The following GKN2 variants were observed in gnomAD, a reference collection of about 807,000 sequenced individuals.
The protein encoded by GKN2 is gastrokine 2.
In GKN2, 17 loss-of-function variants were observed where a neutral mutation model predicts 22.7. The observed-to-expected ratio is 0.75, with a 90% CI of 0.51 to 1.13. The LOEUF (loss-of-function observed/expected upper bound fraction) is 1.13. Ranked by LOEUF, GKN2 falls within the 50% of genes most tolerant of loss-of-function variation. The pLI is 0.00. For missense variants in GKN2, 248 were observed against 221.4 expected (o/e 1.12, Z -0.76); for synonymous variants, 82 against 79.6 (o/e 1.03, Z -0.16).
At chr2:68,950,855 T>C in intron 1 of GKN2, 100 bp from the exon 2 acceptor site, 2 of 1,202,380 alleles carry the variant, frequency 1.7e-6, no homozygotes, top group South Asian at 2.5e-5. Context: ...TCTCAGAAAA[T>C]GTACACCTAG....
chr2:68,952,544 C>T (rs1669874446), intron 1 of GKN2, among the ~76,000 whole-genome samples: 2 of 152,054 alleles, frequency 1.3e-5, no homozygotes, highest in Admixed American at 6.6e-5. Flanking sequence ...TTTTAAATAG[C>T]CCAAATTCCC....
At chr2:68,948,214 C>A (rs1573727816) in intron 3 of GKN2, among the ~76,000 whole-genome samples, 2 of 142,806 alleles carry the variant, frequency 1.4e-5, no homozygotes, top group East Asian at 4.1e-4. Flanking sequence ...CCACTGGACT[C>A]CAGCCTGGGT....
Position 68,950,209 on chromosome 2 carries a change from T to A in GKN2, c.121A>T (p.Thr41Ser). ...GCGGTATTTTTTTCATTATCAATTG[T>A]CACTGTCTCCTGAACATTGCCACCA... is the stretch of plus-strand genomic sequence containing the variant. ...NNGGNVQETVTIDNEKNTAII... is the reference protein window; with the variant it reads ...NNGGNVQETVSIDNEKNTAII... Residue 41 changes from threonine (T) to serine (S), a missense_variant, in exon 3 of 6, where the codon ACA becomes TCA. By Grantham distance (58) the Thr-to-Ser change is moderately conservative (BLOSUM62 1). Transcript: ENST00000328895. 1.2e-6 allele frequency: 2 copies of A among 1,613,904 alleles called. No individual in the cohort carries two copies. The highest frequency in any genetic ancestry group is 1.3e-5 in the African/African-American group (1 of 75,068).
At chr2:68,945,626 C>G (rs761703258) in intron 5 of GKN2, 176 bp from the exon 6 acceptor site, 1 of 491,384 alleles carries the variant, frequency 2.0e-6, no homozygotes, top group African/African-American at 1.9e-5. Flanking sequence ...CCTTTATTTA[C>G]TTTATGAATG....
At chr2:68,947,107 G>T in intron 4 of GKN2, 40 bp downstream of exon 4, 1 of 1,239,070 alleles carries the variant, frequency 8.1e-7, no homozygotes, top group South Asian at 1.2e-5. Context: ...GTATTGCCTG[G>T]CTTAAGAACA....
At position 68,945,373 on chromosome 2, in the gene GKN2, C is replaced by T. The variant is rs1238034585; in HGVS notation, c.550G>A (p.Val184Ile). The T allele has an allele frequency of 7.5e-6, 12 of 1,595,670 alleles. No homozygotes were observed. The highest frequency in any genetic ancestry group is 9.4e-6 in the Non-Finnish European group (11 of 1,167,594). ...AAACAAGAGGGCTAATCATCCTAAA[C>T]ATGAATGTCTGCACAGATTGAAATT... The part of the protein sequence containing the change: ...LGISICADIH[V>I] The change falls in exon 6 of 6, where the codon GTT becomes ATT. Residue 184 changes from valine to isoleucine, a missense_variant. By Grantham distance (29) the Val-to-Ile change is conservative (BLOSUM62 3). Transcript: ENST00000328895.
chr2:68,946,424 C>T lies in GKN2; in HGVS notation c.352G>A (p.Val118Ile), dbSNP rs767058016. The T allele has an allele frequency of 4.3e-6, 7 of 1,612,400 alleles. No homozygotes were observed. Among genetic ancestry groups the T allele is most frequent in the Non-Finnish European group, 5.9e-6 (7 of 1,179,494 alleles). ...AGAGACTCCAGAGGGTTGTACTTGA[C>T]CCAGGTGTATTTGCTGGAGAACATG... is the stretch of plus-strand genomic sequence containing the variant. ...DNMFSSKYTWVKYNPLESLIK... is the reference protein window; with the variant it reads ...DNMFSSKYTWIKYNPLESLIK... The change falls in exon 5 of 6, where the codon GTC becomes ATC. Residue 118 changes from valine to isoleucine, a missense_variant. By Grantham distance (29) the Val-to-Ile change is conservative. Coordinates refer to ENST00000328895, the MANE Select transcript of GKN2 (RefSeq NM_182536.3).
At chr2:68,946,981 TAATAA>T (rs1324622840) in intron 4 of GKN2, among the ~76,000 whole-genome samples, 161 bp downstream of exon 4, 2 of 152,142 alleles carry the variant, frequency 1.3e-5, no homozygotes, top group African/African-American at 4.8e-5. Context: ...TCTTAAAAAA[TAATAA>T]AATAAAAGTA....
intron 1 of GKN2, among the ~76,000 whole-genome samples, chr2:68,952,060 A>G (rs1036067307): frequency 4.6e-5 from 7 of 152,234 alleles, no homozygotes; most frequent in Admixed American, 1.3e-4. Context: ...TAAAGGACAG[A>G]GACTAGGGGA....
intron 2 of GKN2, 68 bp from the exon 3 acceptor site, chr2:68,950,331 C>A (rs1219076001): frequency 2.6e-5 from 37 of 1,445,934 alleles, no homozygotes; most frequent in Non-Finnish European, 3.1e-5. Flanking sequence ...ACTCTTCCAA[C>A]AAAATAAAGC....
At chr2:68,946,497 A>G in intron 4 of GKN2, 37 bp from the exon 5 acceptor site, 1 of 1,496,360 alleles carries the variant, frequency 6.7e-7, no homozygotes, top group Non-Finnish European at 8.9e-7. Flanking sequence ...ACATAAAATA[A>G]ATTGACAAAA....
intron 4 of GKN2, among the ~76,000 whole-genome samples, chr2:68,946,859 C>A (rs148573188): frequency 6.6e-6 from 1 of 152,088 alleles, no homozygotes; most frequent in South Asian, 2.1e-4. Flanking sequence ...TTCTCATAGC[C>A]CTGCTCTGAG....
At chr2:68,946,503 C>T in intron 4 of GKN2, 43 bp from the exon 5 acceptor site, 1 of 1,491,590 alleles carries the variant, frequency 6.7e-7, no homozygotes, top group South Asian at 1.4e-5. Context: ...AATAAATTGA[C>T]AAAAATTGGT....
chr2:68,947,325 G>T, intron 3 of GKN2, 68 bp from the exon 4 acceptor site: 2 of 984,640 alleles, frequency 2.0e-6, no homozygotes, highest in Non-Finnish European at 3.3e-6. Context: ...TGAAGATGAT[G>T]CCTGAACCTC....
intron 5 of GKN2, 89 bp from the exon 6 acceptor site, chr2:68,945,539 C>G: frequency 9.7e-7 from 1 of 1,035,978 alleles, no homozygotes; most frequent in Admixed American, 2.0e-5. Context: ...TTAAATAAAA[C>G]TGACAACTTT....
At chr2:68,952,747 A>G in intron 1 of GKN2, 103 bp downstream of exon 1, 3 of 1,101,588 alleles carry the variant, frequency 2.7e-6, no homozygotes, top group Middle Eastern at 4.1e-4. Flanking sequence ...AGAAGCATGC[A>G]CAGTATCTGT....
intron 1 of GKN2, among the ~76,000 whole-genome samples, chr2:68,951,378 G>A (rs1004328317): frequency 6.6e-6 from 1 of 152,176 alleles, no homozygotes; most frequent in South Asian, 2.1e-4. Context: ...GGGCCCACAG[G>A]TCGTGAGCTG....
At chr2:68,951,600 T>C (rs1216048492) in intron 1 of GKN2, among the ~76,000 whole-genome samples, 3 of 152,228 alleles carry the variant, frequency 2.0e-5, no homozygotes, top group Admixed American at 2.0e-4. Context: ...TCAGTGGGAC[T>C]TTCCTACTTC....
intron 3 of GKN2, among the ~76,000 whole-genome samples, chr2:68,949,064 T>C (rs578032638): frequency 6.6e-6 from 1 of 152,188 alleles, no homozygotes; most frequent in Non-Finnish European, 1.5e-5. Context: ...CAGAAAATCA[T>C]GTTCAAAAGT....
Sources: allele counts gnomAD v4.1 joint callset (sites outside exome capture counted in the v4.1 genomes callset), GRCh38; gene constraint gnomAD v4.1.1; transcripts MANE v1.5; gene names NCBI Gene and HGNC (gene_info 2026-07-23, HGNC 2026-07-21).